ZDHHC15: variants seen among roughly 807,000 people sequenced by gnomAD.
The protein encoded by ZDHHC15 is zDHHC palmitoyltransferase 15, also known as palmitoyltransferase ZDHHC15.
Under a neutral mutation model 31.7 loss-of-function variants are expected in ZDHHC15, and 19 were observed. That is an observed-to-expected ratio of 0.60 (90% CI 0.42 to 0.88). The LOEUF is 0.88. Among genes scored for constraint, ZDHHC15 ranks in the 40% least tolerant of loss-of-function variants. The probability of loss-of-function intolerance (pLI) is 0.00; values close to 1 mark genes in which losing one functional copy is unlikely to be tolerated. For missense variants in ZDHHC15, 209 were observed against 251.2 expected (o/e 0.83, Z 1.14); for synonymous variants, 103 against 90.0 (o/e 1.14, Z -0.82).
chrX:75,446,157 A>G (rs957506906), intron 4 of ZDHHC15, among the ~76,000 whole-genome samples: 1 of 112,225 alleles, frequency 8.9e-6, no homozygotes, highest in South Asian at 3.7e-4. Flanking sequence ...TGTTGGAAAA[A>G]ACATAAAGTT....
chrX:75,438,409 T>C (rs2083892569), intron 4 of ZDHHC15, among the ~76,000 whole-genome samples: 1 of 110,644 alleles, frequency 9.0e-6, no homozygotes, highest in Admixed American at 9.8e-5. Flanking sequence ...TTTATCATTA[T>C]ATAATGTCCC....
intron 10 of ZDHHC15, among the ~76,000 whole-genome samples, chrX:75,382,961 G>C (rs1317781560): frequency 8.9e-6 from 1 of 111,801 alleles, no homozygotes; most frequent in African/African-American, 3.3e-5. Context: ...TGCTTCCCAT[G>C]CTAGAGCTCT....
intron 3 of ZDHHC15, among the ~76,000 whole-genome samples, chrX:75,459,690 G>T (rs2084281625): frequency 8.9e-6 from 1 of 111,846 alleles, no homozygotes; most frequent in African/African-American, 3.3e-5. Context: ...CCTGGGGGAT[G>T]GGGCAGCCAC....
At chrX:75,441,621 CTTT>C (rs745335984) in intron 4 of ZDHHC15, among the ~76,000 whole-genome samples, 2 of 92,268 alleles carry the variant, frequency 2.2e-5, no homozygotes, top group African/African-American at 4.0e-5. Context: ...TGTGGTAGTT[CTTT>C]TTTTTTTTTT....
At chrX:75,449,201 TACACACACACACACACACACACACACAC>T (rs3075226) in intron 4 of ZDHHC15, among the ~76,000 whole-genome samples, 1,190 of 76,638 alleles carry the variant, frequency 0.016, 26 homozygotes, top group African/African-American at 0.056. Flanking sequence ...TCTCTCTCTA[TACACACACACACACACACACACACACAC>T]ACACACACAC....
At chrX:75,405,200 G>T (rs1321617014) in intron 10 of ZDHHC15, among the ~76,000 whole-genome samples, 1 of 110,828 alleles carries the variant, frequency 9.0e-6, no homozygotes, top group African/African-American at 3.3e-5. Context: ...ACAAAAAGAA[G>T]GAAAAAACAG....
intron 2 of ZDHHC15, among the ~76,000 whole-genome samples, chrX:75,495,766 C>T (rs1277852754): frequency 2.5e-5 from 2 of 79,157 alleles, no homozygotes; most frequent in East Asian, 3.9e-4. Flanking sequence ...GAACATCATA[C>T]ACTGGGGACT....
At chrX:75,391,942 T>TA (rs1280127885) in intron 10 of ZDHHC15, among the ~76,000 whole-genome samples, 1 of 111,818 alleles carries the variant, frequency 8.9e-6, no homozygotes, top group Non-Finnish European at 1.9e-5. Flanking sequence ...CAAATAGACA[T>TA]AAAAAAATTA....
intron 9 of ZDHHC15, among the ~76,000 whole-genome samples, chrX:75,419,877 C>T (rs1473091333): frequency 1.1e-5 from 1 of 95,109 alleles, no homozygotes; most frequent in Non-Finnish European, 2.0e-5. Context: ...CATGTTCTCA[C>T]TTATAGGCGG....
Position 75,369,059 on chromosome X carries a change from A to G in ZDHHC15, c.*3919T>C, listed in dbSNP as rs962407601. On this transcript the variant is annotated 3_prime_UTR_variant, in exon 12 of 12. Transcript: ENST00000373367. ...ATTCCTAACGAGATGGAACTCATTA[A>G]TTTTCTAAGAATATGGATCTTGTCC... The G allele has an allele frequency of 5.4e-5, 6 of 111,660 alleles. No homozygotes were observed. Among genetic ancestry groups the G allele is most frequent in the Non-Finnish European group, 1.1e-4 (6 of 53,148 alleles). The allele number at this position is 111,660 out of a possible 1,213,427, so 9.2% of individuals were successfully genotyped here.
At chrX:75,373,831 T>G (rs1030040936) in intron 11 of ZDHHC15, among the ~76,000 whole-genome samples, 1 of 110,430 alleles carries the variant, frequency 9.1e-6, no homozygotes, top group Non-Finnish European at 1.9e-5. Flanking sequence ...AATCCAGTTA[T>G]ACTTTTATAG....
intron 4 of ZDHHC15, among the ~76,000 whole-genome samples, chrX:75,435,943 T>A (rs1172470566): frequency 8.9e-6 from 1 of 112,071 alleles, no homozygotes; most frequent in Non-Finnish European, 1.9e-5. Context: ...GAGTGTCTGA[T>A]AGAATTCAGC....
chrX:75,458,229 C>A (rs1414020631), intron 3 of ZDHHC15, among the ~76,000 whole-genome samples: 4 of 111,543 alleles, frequency 3.6e-5, no homozygotes, highest in Non-Finnish European at 7.5e-5. Context: ...ATAGTACCAA[C>A]TAGGATTCCT....
intron 3 of ZDHHC15, among the ~76,000 whole-genome samples, chrX:75,452,208 GAAAAA>G (rs139024642): frequency 1.4e-4 from 12 of 85,044 alleles, no homozygotes; most frequent in African/African-American, 5.2e-4. Context: ...AATAGAAAGC[GAAAAA>G]AAAAAAAAAA....
intron 1 of ZDHHC15, 106 bp from the exon 2 acceptor site, chrX:75,505,953 C>T (rs969034921): frequency 1.4e-5 from 10 of 710,113 alleles, no homozygotes; most frequent in Non-Finnish European, 2.2e-5. Flanking sequence ...AACTCATTTT[C>T]CACAGCATCA....
At chrX:75,381,525 T>C (rs913985102) in intron 10 of ZDHHC15, among the ~76,000 whole-genome samples, 1 of 111,844 alleles carries the variant, frequency 8.9e-6, no homozygotes, top group Non-Finnish European at 1.9e-5. Flanking sequence ...TTCTTGTCTC[T>C]CCAAATTTCA....
intron 2 of ZDHHC15, among the ~76,000 whole-genome samples, chrX:75,491,812 G>C (rs2084900202): frequency 9.0e-6 from 1 of 111,157 alleles, no homozygotes; most frequent in South Asian, 3.8e-4. Flanking sequence ...GGAAAGGAAT[G>C]ATCAGTACCA....
At chrX:75,447,216 CTGGT>C (rs2084046021) in intron 4 of ZDHHC15, among the ~76,000 whole-genome samples, 1 of 112,167 alleles carries the variant, frequency 8.9e-6, no homozygotes, top group African/African-American at 3.2e-5. Flanking sequence ...AGCCATCAAC[CTGGT>C]ATCAGGTTGA....
chrX:75,414,069 C>G (rs1035717349), intron 10 of ZDHHC15, among the ~76,000 whole-genome samples: 9 of 111,611 alleles, frequency 8.1e-5, no homozygotes, highest in African/African-American at 2.9e-4. Context: ...TTATAATGAG[C>G]AAAAGTGGTA....
Sources: gnomAD v4.1 joint callset for allele counts (sites outside exome capture counted in the v4.1 genomes callset) on GRCh38, gnomAD v4.1.1 for gene constraint, MANE v1.5 for transcripts, NCBI Gene and HGNC (gene_info 2026-07-23, HGNC 2026-07-21) for gene names.